The following UTRN variants were observed in gnomAD, a reference collection of about 807,000 sequenced individuals.
UTRN encodes dystrophin-related protein 1.
UTRN carries 283 observed loss-of-function variants against 463.9 expected under a neutral mutation model. That is an observed-to-expected ratio of 0.61 (90% CI 0.55 to 0.67). The LOEUF is 0.67. Ranked by LOEUF, UTRN falls within the 30% of genes least tolerant of loss-of-function variation. The pLI, the probability that UTRN is intolerant of heterozygous loss-of-function variation, is 0.00. For synonymous variants in UTRN, 1,442 were observed against 1,431.5 expected, an observed-to-expected ratio of 1.01 and a Z score of -0.17; for missense variants, 3,922 against 4,084.3, an observed-to-expected ratio of 0.96 and a Z score of 1.08.
chr6:144,799,564 G>A, intron 64 of UTRN: 2 of 462,894 alleles, frequency 4.3e-6, no homozygotes, highest in South Asian at 1.6e-5. Context: ...GGGAATAGCT[G>A]GAATGTGGCA....
At chr6:144,648,069 C>T (rs991779763) in intron 51 of UTRN, among the ~76,000 whole-genome samples, 2 of 152,172 alleles carry the variant, frequency 1.3e-5, no homozygotes, top group Non-Finnish European at 2.9e-5. Context: ...GAAATAATCA[C>T]TTTATAGCTG....
At chr6:144,418,345 C>G (rs1378682719) in intron 3 of UTRN, among the ~76,000 whole-genome samples, 2 of 150,320 alleles carry the variant, frequency 1.3e-5, no homozygotes, top group South Asian at 2.1e-4. Flanking sequence ...TCCCGAGTAG[C>G]TGGGACTACA....
chr6:144,511,245 T>C, intron 35 of UTRN, 122 bp downstream of exon 35: 1 of 977,026 alleles, frequency 1.0e-6, no homozygotes, highest in Non-Finnish European at 1.4e-6. Flanking sequence ...ATGTTTTGCT[T>C]GTGAATTAAT....
chr6:144,795,799 A>C (rs1777160453), intron 63 of UTRN, among the ~76,000 whole-genome samples: 1 of 151,974 alleles, frequency 6.6e-6, no homozygotes, highest in Admixed American at 6.6e-5. Flanking sequence ...AGATTGCAAA[A>C]ATTTTCTCCC....
chr6:144,611,527 A>G (rs1805523506), intron 51 of UTRN, among the ~76,000 whole-genome samples: 1 of 152,234 alleles, frequency 6.6e-6, no homozygotes, highest in Non-Finnish European at 1.5e-5. Flanking sequence ...ATACAACATC[A>G]ACATATAAAA....
Position 144,514,752 on chromosome 6 carries a change from G to A in UTRN, c.5176G>A (p.Val1726Ile), listed in dbSNP as rs376808705. 3.1e-6 allele frequency: 5 copies of A among 1,614,056 alleles called. No homozygotes were observed. Among genetic ancestry groups the A allele is most frequent in the Middle Eastern group, 1.6e-4 (1 of 6,084 alleles). ...NARGSSSRELVEPKLAELNRN... is the reference protein window; with the variant it reads ...NARGSSSRELIEPKLAELNRN... ...CCGTGGAAGCTCAAGCAGGGAGCTTGTAGAACCAAAGTTAGCTGAGCTGAA... is the reference window on the plus strand; with the variant it reads ...CCGTGGAAGCTCAAGCAGGGAGCTTATAGAACCAAAGTTAGCTGAGCTGAA... The change falls in exon 37 of 75, where the codon GTA becomes ATA. Residue 1726 changes from valine to isoleucine, a missense_variant. This residue lies in a region of UTRN where 2,349 missense variants were observed against 2,303.8 expected (regional missense o/e 1.02). Transcript: ENST00000367545.
intron 65 of UTRN, among the ~76,000 whole-genome samples, chr6:144,813,819 A>G (rs758295924): frequency 2.6e-5 from 4 of 152,222 alleles, no homozygotes; most frequent in Non-Finnish European, 2.9e-5. Context: ...GGGTTTTGCC[A>G]TGCGCAGAGG....
rs1798860460 is a variant in UTRN, at chr6:144,551,052, T to G, written c.6898T>G (p.Ser2300Ala). ...AQNLKNKASS[S>A]DMRTAITEKL... ...GAATTTGAAAAATAAAGCTTCCAGT[T>G]CAGATATGAGAACAGCAATTACAGA... The change falls in exon 48 of 75, where the codon TCA (serine) becomes GCA (alanine). Residue 2300 changes from serine to alanine, a missense_variant. Physicochemically the swap from Ser to Ala is moderately conservative, Grantham distance 99. This residue lies in a region of UTRN where 1,309 missense variants were observed against 1,452.6 expected (regional missense o/e 0.90). Transcript: ENST00000367545. 1 of 1,609,686 alleles carries G rather than the reference T, an allele frequency of 6.2e-7. No homozygotes were observed. The highest frequency in any genetic ancestry group is 1.3e-5 in the African/African-American group (1 of 74,512).
intron 51 of UTRN, among the ~76,000 whole-genome samples, chr6:144,620,032 C>G (rs980769586): frequency 6.6e-6 from 1 of 152,100 alleles, no homozygotes; most frequent in Non-Finnish European, 1.5e-5. Flanking sequence ...ATGAATGTGT[C>G]TCTCTTTATC....
rs577741453 is a variant in UTRN, at chr6:144,636,215, T to TA, written c.7480-42185dup. Reference sequence around the variant, plus strand: ...TACACCATGGAGTACTATGCAGCCATAAAAAATGAGTTCACGTCCCTTGCA... The same window carrying TA: ...TACACCATGGAGTACTATGCAGCCATAAAAAAATGAGTTCACGTCCCTTGCA... On this transcript the variant is annotated intron_variant, in intron 51 of 74. Transcript: ENST00000367545. Among the ~76,000 whole-genome samples, 19 of 152,244 alleles carry TA rather than the reference T, an allele frequency of 1.2e-4. No individual in the cohort carries two copies. In the East Asian group the frequency reaches 1.4e-3, roughly 11 times the overall value.
At chr6:144,732,251 T>TATACAC (rs1554360009) in intron 54 of UTRN, among the ~76,000 whole-genome samples, 8 of 116,124 alleles carry the variant, frequency 6.9e-5, no homozygotes, top group Admixed American at 9.2e-5. Context: ...TATATATATA[T>TATACAC]ATATATACAC....
At chr6:144,744,305 CAT>C (rs367840531) in intron 54 of UTRN, among the ~76,000 whole-genome samples, 6,107 of 97,322 alleles carry the variant, frequency 0.063, 499 homozygotes, top group African/African-American at 0.21. Flanking sequence ...ATGGTGTATA[CAT>C]ATATATATAT....
intron 24 of UTRN, 133 bp downstream of exon 24, chr6:144,473,966 G>T: frequency 3.3e-6 from 2 of 598,046 alleles, no homozygotes; most frequent in Non-Finnish European, 5.6e-6. Flanking sequence ...TCATCATAAA[G>T]CTTTTATGAC....
intron 46 of UTRN, 117 bp downstream of exon 46, chr6:144,542,987 T>A: frequency 2.4e-6 from 2 of 828,530 alleles, no homozygotes; most frequent in Non-Finnish European, 3.7e-6. Context: ...TTTCTTTATT[T>A]AATCTACTTT....
At chr6:144,403,023 C>A (rs1487631832) in intron 2 of UTRN, 100 bp from the exon 3 acceptor site, 3 of 1,060,902 alleles carry the variant, frequency 2.8e-6, no homozygotes, top group Non-Finnish European at 4.2e-6. Context: ...ACTAATAGGA[C>A]TATTTTAAAC....
chr6:144,708,381 TAA>T, intron 53 of UTRN: 1 of 648,376 alleles, frequency 1.5e-6, no homozygotes, highest in Non-Finnish European at 3.0e-6. Flanking sequence ...ATTTTTTAGA[TAA>T]AGTGTTTAGA....
At chr6:144,406,356 C>CTTTTTTTTTTTTTTTT (rs57721924) in intron 3 of UTRN, among the ~76,000 whole-genome samples, 83 of 125,540 alleles carry the variant, frequency 6.6e-4, no homozygotes, top group African/African-American at 1.0e-3. Context: ...TTTTTCTTTT[C>CTTTTTTTTTTTTTTTT]TTTTTTTTTT....
chr6:144,686,463 A>T (rs907487307), intron 52 of UTRN, among the ~76,000 whole-genome samples: 1 of 152,088 alleles, frequency 6.6e-6, no homozygotes, highest in Non-Finnish European at 1.5e-5. Flanking sequence ...TGCCTCAGTG[A>T]TGTGTCTAGT....
chr6:144,568,098 T>C (rs1457397495), intron 50 of UTRN, among the ~76,000 whole-genome samples: 1 of 152,160 alleles, frequency 6.6e-6, no homozygotes, highest in Non-Finnish European at 1.5e-5. Flanking sequence ...TTAAAAAAAA[T>C]CCTACTTCCC....
Sources: allele counts gnomAD v4.1 joint callset (sites outside exome capture counted in the v4.1 genomes callset), GRCh38; gene constraint gnomAD v4.1.1; regional missense constraint gnomAD v4.1.1; transcripts MANE v1.5; gene names NCBI Gene and HGNC (gene_info 2026-07-23, HGNC 2026-07-21).